CAB39L: variants seen among roughly 807,000 people sequenced by gnomAD.
CAB39L encodes the protein calcium-binding protein 39-like.
In CAB39L, 23 loss-of-function variants were observed where a neutral mutation model predicts 39.1. The ratio of observed to expected loss-of-function variants is 0.59; its 90% confidence interval spans 0.42 to 0.83. The LOEUF (loss-of-function observed/expected upper bound fraction) is 0.83. Ranked by LOEUF, CAB39L falls within the 40% of genes least tolerant of loss-of-function variation. CAB39L has a pLI of 0.00. For synonymous variants in CAB39L, 126 were observed against 137.2 expected (o/e 0.92, Z 0.57); for missense variants, 366 against 391.9 (o/e 0.93, Z 0.56).
chr13:49,397,770 G>C (rs1956673537), intron 3 of CAB39L, among the ~76,000 whole-genome samples: 1 of 152,012 alleles, frequency 6.6e-6, no homozygotes, highest in African/African-American at 2.4e-5. Flanking sequence ...TCAACTTATA[G>C]CAGCGATCTG....
chr13:49,440,990 G>A (rs1332112619), intron 1 of CAB39L, among the ~76,000 whole-genome samples: 1 of 151,748 alleles, frequency 6.6e-6, no homozygotes, highest in Non-Finnish European at 1.5e-5. Flanking sequence ...TGTTTCTCTT[G>A]CCTGATTGCT....
intron 6 of CAB39L, among the ~76,000 whole-genome samples, chr13:49,353,328 A>G (rs190826735): frequency 2.8e-4 from 42 of 152,350 alleles, no homozygotes; most frequent in African/African-American, 9.4e-4. Flanking sequence ...AAGCACTGTC[A>G]TTTATTGATA....
At chr13:49,406,511 T>A (rs1165822660) in intron 3 of CAB39L, among the ~76,000 whole-genome samples, 1 of 151,784 alleles carries the variant, frequency 6.6e-6, no homozygotes, top group Non-Finnish European at 1.5e-5. Context: ...AATTGACGAA[T>A]AGTTGAGATG....
At position 49,312,720 on chromosome 13, in the gene CAB39L, G is replaced by A. The variant is rs535888251; in HGVS notation, c.835-1727C>T. ...CTCCTAAGTCACTAGCTAGGAGCAC[G>A]TGGGAGCTATCTATGAACATTTCAT... On this transcript the variant is annotated intron_variant, in intron 10 of 10. Coordinates refer to ENST00000409308, the MANE Select transcript of CAB39L (RefSeq NM_001079670.3). 1.2e-4 allele frequency among the ~76,000 whole-genome samples: 18 copies of A among 152,324 alleles called. No individual in the cohort carries two copies. In the South Asian group the frequency reaches 3.7e-3, roughly 32 times the overall value.
chr13:49,350,794 C>A lies in CAB39L; in HGVS notation c.514G>T (p.Val172Leu). 5.6e-6 allele frequency: 9 copies of A among 1,602,572 alleles called. No homozygotes were observed. Among genetic ancestry groups the A allele is most frequent in the Non-Finnish European group, 6.8e-6 (8 of 1,174,934 alleles). The change falls in exon 7 of 11, where the codon GTG becomes TTG. Residue 172 changes from valine (V) to leucine (L), a missense_variant. Physicochemically the swap from Val to Leu is conservative, Grantham distance 32 (BLOSUM62 1). Coordinates refer to ENST00000409308, the MANE Select transcript of CAB39L (RefSeq NM_001079670.3). ...SNQFRDFFKY[V>L]ELSTFDIASD... ...GCAATATCAAATGTTGACAACTCCA[C>A]GTACTTAAAGAAATCTCTGAATTGA...
chr13:49,361,574 AAAG>A (rs1955639213), intron 5 of CAB39L, among the ~76,000 whole-genome samples: 2 of 78,824 alleles, frequency 2.5e-5, no homozygotes, highest in African/African-American at 9.6e-5. Flanking sequence ...AGAAAGAAAG[AAAG>A]AAAGAAAGAG....
At chr13:49,375,580 G>A (rs984999182) in intron 5 of CAB39L, among the ~76,000 whole-genome samples, 1 of 152,038 alleles carries the variant, frequency 6.6e-6, no homozygotes. Context: ...CTCATTCATA[G>A]GTGGGAATTG....
intron 10 of CAB39L, among the ~76,000 whole-genome samples, chr13:49,315,741 C>T (rs1297961761): frequency 2.6e-5 from 4 of 151,642 alleles, no homozygotes; most frequent in South Asian, 2.1e-4. Flanking sequence ...AAAAATTAGC[C>T]GGGCATGGTG....
chr13:49,426,050 G>A (rs1957239811), intron 3 of CAB39L, among the ~76,000 whole-genome samples: 1 of 152,066 alleles, frequency 6.6e-6, no homozygotes, highest in African/African-American at 2.4e-5. Context: ...AAGCTTTGTG[G>A]GGGTCCTAGG....
intron 5 of CAB39L, among the ~76,000 whole-genome samples, chr13:49,374,389 G>C (rs184394983): frequency 2.4e-4 from 37 of 152,094 alleles, no homozygotes; most frequent in African/African-American, 6.0e-4. Flanking sequence ...GCATTTGAAG[G>C]CTTAATCTTC....
intron 7 of CAB39L, 45 bp from the exon 8 acceptor site, chr13:49,344,283 A>G: frequency 9.6e-7 from 1 of 1,043,610 alleles, no homozygotes; most frequent in Non-Finnish European, 1.5e-6. Context: ...TATAGCTATT[A>G]ATATTACAAA....
intron 4 of CAB39L, 177 bp downstream of exon 4, chr13:49,382,623 C>T: frequency 1.9e-6 from 1 of 527,970 alleles, no homozygotes; most frequent in Non-Finnish European, 3.3e-6. Flanking sequence ...TAAAGTTCAT[C>T]ACAACAGACT....
chr13:49,314,849 A>G (rs1211400759), intron 10 of CAB39L, among the ~76,000 whole-genome samples: 1 of 152,254 alleles, frequency 6.6e-6, no homozygotes, highest in African/African-American at 2.4e-5. Flanking sequence ...TAATGAGAAC[A>G]GTATATGTAT....
At chr13:49,356,567 G>GC (rs1276320551) in intron 6 of CAB39L, among the ~76,000 whole-genome samples, 2 of 152,072 alleles carry the variant, frequency 1.3e-5, no homozygotes, top group African/African-American at 4.8e-5. Context: ...AGTATCAATT[G>GC]CTTTTTGTCT....
chr13:49,328,910 A>G (rs7322021), intron 10 of CAB39L, among the ~76,000 whole-genome samples: 44,898 of 151,986 alleles, frequency 0.3, 7,762 homozygotes, highest in African/African-American at 0.49. Context: ...TATTATATAG[A>G]CAGCCTCTTA....
intron 9 of CAB39L, 146 bp downstream of exon 9, chr13:49,339,531 A>G (rs2138422522): frequency 1.1e-6 from 1 of 929,738 alleles, no homozygotes; most frequent in African/African-American, 1.7e-5. Context: ...ATACAGTCAT[A>G]ACATAAAATA....
intron 7 of CAB39L, among the ~76,000 whole-genome samples, chr13:49,349,818 T>C (rs926078716): frequency 2.6e-5 from 4 of 152,134 alleles, no homozygotes; most frequent in Non-Finnish European, 5.9e-5. Context: ...GTAATACACA[T>C]TGATACCAAC....
At chr13:49,329,547 ATATATATATATATAT>A (rs1954619407) in intron 10 of CAB39L, among the ~76,000 whole-genome samples, 1,459 of 33,060 alleles carry the variant, frequency 0.044, 179 homozygotes, top group South Asian at 0.13. Context: ...AAAAAAAAAT[ATATATATATATATAT>A]ATATATATAT....
intron 1 of CAB39L, 146 bp downstream of exon 1, chr13:49,443,840 G>A (rs1025415012): frequency 3.3e-5 from 14 of 422,584 alleles, no homozygotes; most frequent in Non-Finnish European, 4.7e-6. Flanking sequence ...TCCGCAAGTA[G>A]GAAGGCGCTG....
Sources: allele counts gnomAD v4.1 joint callset (sites outside exome capture counted in the v4.1 genomes callset), GRCh38; gene constraint gnomAD v4.1.1; transcripts MANE v1.5; gene names NCBI Gene and HGNC (gene_info 2026-07-23, HGNC 2026-07-21).